GALR1: variants seen among roughly 807,000 people sequenced by gnomAD.
GALR1 encodes galanin receptor 1, also known as galanin receptor type 1.
In GALR1, 11 loss-of-function variants were observed where a neutral mutation model predicts 17.9. That is an observed-to-expected ratio of 0.62 (90% CI 0.39 to 1.02). The LOEUF (loss-of-function observed/expected upper bound fraction) is 1.02, where lower values mean the gene tolerates loss of function less well. GALR1 is among the 50% of genes least tolerant of loss of function. The probability of loss-of-function intolerance (pLI) is 0.01; values close to 1 mark genes in which losing one functional copy is unlikely to be tolerated. For missense variants in GALR1, 441 were observed against 456.9 expected (o/e 0.97, Z 0.32); for synonymous variants, 206 against 205.7 (o/e 1.00, Z -0.01).
chr18:77,267,760 C>T (rs1912974382), intron 2 of GALR1, among the ~76,000 whole-genome samples: 1 of 152,230 alleles, frequency 6.6e-6, no homozygotes, highest in South Asian at 2.1e-4. Flanking sequence ...TGTCTTTCAA[C>T]ATGTGTGGAA....
At chr18:77,264,782 G>T (rs1167099357) in intron 2 of GALR1, among the ~76,000 whole-genome samples, 1 of 152,156 alleles carries the variant, frequency 6.6e-6, no homozygotes. Context: ...TGAGAGTAAA[G>T]GGTGGGAAAA....
intron 2 of GALR1, among the ~76,000 whole-genome samples, chr18:77,258,612 ATGGTGGTGGTGGTGATGGTGGTGATGG>A (rs1912662160): frequency 1.2e-5 from 1 of 86,560 alleles, no homozygotes; most frequent in Admixed American, 1.1e-4. Flanking sequence ...CATGGTGGTG[ATGGTGGTGGTGGTGATGGTGGTGATGG>A]TGGTGGTGGT....
intron 2 of GALR1, among the ~76,000 whole-genome samples, chr18:77,259,198 G>C (rs1403212410): frequency 2.9e-5 from 1 of 34,712 alleles, no homozygotes; most frequent in African/African-American, 1.3e-4. Context: ...TGGTGGTGAT[G>C]ATGGTGGTCA....
chr18:77,251,342 G>A (rs1474452518), intron 1 of GALR1, 128 bp downstream of exon 1: 2 of 1,375,318 alleles, frequency 1.5e-6, no homozygotes, highest in South Asian at 1.5e-5. Context: ...TCCCCACTCT[G>A]GCGGCGCTGG....
intron 2 of GALR1, among the ~76,000 whole-genome samples, chr18:77,258,740 A>G (rs1303210572): frequency 1.4e-4 from 11 of 78,000 alleles, no homozygotes; most frequent in African/African-American, 4.6e-4. Flanking sequence ...GATGGTGATG[A>G]TGGTTATGGT....
intron 2 of GALR1, among the ~76,000 whole-genome samples, chr18:77,260,970 T>A (rs1912817530): frequency 1.3e-5 from 2 of 149,874 alleles, no homozygotes; most frequent in South Asian, 4.3e-4. Context: ...TTCAGTAAGG[T>A]TTTTGGATGT....
At position 77,276,282 on chromosome 18, in the gene GALR1, G is replaced by A. The variant is rs1913156649; in HGVS notation, c.*7380G>A. ...GTAGAAAGGATAAAATGAACATTAG[G>A]ATACTGAGGGTTTGGTCTGAATTCT... is the stretch of plus-strand genomic sequence containing the variant. On this transcript the variant is annotated 3_prime_UTR_variant, in exon 3 of 3. Transcript: ENST00000299727. 6.6e-6 allele frequency: 1 copy of A among 152,178 alleles called. No homozygotes were observed. Among genetic ancestry groups the A allele is most frequent in the Admixed American group, 6.5e-5 (1 of 15,282 alleles). 9.4% of individuals were successfully genotyped at this position (152,178 alleles called of 1,614,324 possible). A position where few individuals can be genotyped will look rare whatever the true frequency, so the allele number is the denominator to read the frequency against.
rs1912398995 is a variant in GALR1, at chr18:77,251,093, G to A, written c.545G>A (p.Ser182Asn). The A allele has an allele frequency of 2.5e-6, 4 of 1,611,754 alleles. No individual in the cohort carries two copies. Among genetic ancestry groups the A allele is most frequent in the Middle Eastern group, 1.6e-4 (1 of 6,062 alleles). Residue 182 changes from serine to asparagine, a missense_variant, in exon 1 of 3, where the codon AGC (serine) becomes AAC (asparagine). Physicochemically the swap from Ser to Asn is conservative, Grantham distance 46. Coordinates refer to ENST00000299727, the MANE Select transcript of GALR1 (RefSeq NM_001480.4). ...CAGGGCCTCTTCCACCCGCGCGCCA[G>A]CAACCAGACCTTCTGCTGGGAGCAG... ...YHQGLFHPRASNQTFCWEQWP... is the reference protein window; with the variant it reads ...YHQGLFHPRANNQTFCWEQWP...
chr18:77,253,949 C>T (rs374159821), intron 1 of GALR1: 2 of 152,250 alleles, frequency 1.3e-5, no homozygotes, highest in Non-Finnish European at 2.9e-5. Context: ...CCCAGTGCCC[C>T]CTGAAGAGCC....
At chr18:77,263,253 G>A (rs892561154) in intron 2 of GALR1, among the ~76,000 whole-genome samples, 8 of 152,152 alleles carry the variant, frequency 5.3e-5, no homozygotes, top group African/African-American at 1.9e-4. Context: ...ATGGATAAAT[G>A]GATTGATAGA....
chr18:77,264,564 G>A (rs947775297), intron 2 of GALR1, among the ~76,000 whole-genome samples: 1 of 152,118 alleles, frequency 6.6e-6, no homozygotes, highest in Non-Finnish European at 1.5e-5. Context: ...CCTGCTCCAT[G>A]AAACCCAGTG....
intron 1 of GALR1, among the ~76,000 whole-genome samples, chr18:77,252,814 C>T (rs936024717): frequency 1.4e-5 from 2 of 147,738 alleles, no homozygotes; most frequent in African/African-American, 5.0e-5. Flanking sequence ...TGCCACTGAA[C>T]TCTAGCCTGG....
In GALR1 at chr18:77,256,192, T is replaced by G. The variant is rs148677424; in HGVS notation, c.701T>G (p.Met234Arg). The change falls in exon 2 of 3, where the codon ATG (methionine) becomes AGG (arginine). Residue 234 changes from methionine (M) to arginine (R), a missense_variant. Physicochemically the swap from Met to Arg is moderately conservative, Grantham distance 91. Coordinates refer to ENST00000299727, the MANE Select transcript of GALR1 (RefSeq NM_001480.4). Reference sequence around the variant, plus strand: ...CACTTGCATAAAAAGTTGAAGAACATGTCAAAGAAGTCTGAAGCATCCAAG... The same window carrying G: ...CACTTGCATAAAAAGTTGAAGAACAGGTCAAAGAAGTCTGAAGCATCCAAG... Reference protein sequence around the residue: ...LNHLHKKLKNMSKKSEASKKK... With the variant: ...LNHLHKKLKNRSKKSEASKKK... 1.4e-5 allele frequency: 23 copies of G among 1,602,450 alleles called. No individual in the cohort carries two copies. The African/African-American group carries it at 1.6e-4, about 11-fold the overall frequency.
chr18:77,264,867 T>A (rs1003736746), intron 2 of GALR1, among the ~76,000 whole-genome samples: 6 of 152,286 alleles, frequency 3.9e-5, no homozygotes, highest in Admixed American at 1.3e-4. Flanking sequence ...ACTGCCCTCA[T>A]GATTCAGTTA....
chr18:77,264,002 C>A (rs1017197104), intron 2 of GALR1, among the ~76,000 whole-genome samples: 2 of 151,872 alleles, frequency 1.3e-5, no homozygotes, highest in South Asian at 4.2e-4. Flanking sequence ...AGCGTGGTGG[C>A]ACACACCTGT....
Position 77,273,637 on chromosome 18 carries a change from A to G in GALR1, c.*4735A>G, listed in dbSNP as rs1458345085. ...GCAACAAGAGTGAAACTCTGTCTCA[A>G]AAAAATAAAAATTAAAAAAAAAAAA... On this transcript the variant is annotated 3_prime_UTR_variant, in exon 3 of 3. Transcript: ENST00000299727. The G allele has an allele frequency of 6.6e-6, 1 of 151,576 alleles. No homozygotes were observed. Among genetic ancestry groups the G allele is most frequent in the Non-Finnish European group, 1.5e-5 (1 of 67,840 alleles). 9.4% of individuals were successfully genotyped at this position (151,576 alleles called of 1,614,324 possible). A position where few individuals can be genotyped will look rare whatever the true frequency, so the allele number is the denominator to read the frequency against.
chr18:77,258,985 TG>T (rs1168868859), intron 2 of GALR1, among the ~76,000 whole-genome samples: 19 of 110,304 alleles, frequency 1.7e-4, no homozygotes, highest in African/African-American at 5.0e-4. Flanking sequence ...GTGATGGTGG[TG>T]GATGGTGGTG....
intron 2 of GALR1, among the ~76,000 whole-genome samples, chr18:77,264,413 C>T (rs1168551967): frequency 1.3e-5 from 2 of 152,156 alleles, no homozygotes; most frequent in Admixed American, 1.3e-4. Flanking sequence ...TTTTCTCTTT[C>T]TCTTCGTTCC....
Position 77,260,446 on chromosome 18 carries a change from G to A in GALR1, c.732+4223G>A, listed in dbSNP as rs79863669. ...TCTAGGCCCCCATTCATAAGGGCAC[G>A]GATCCCATTATGAGGGCTCCCCCCA... On this transcript the variant is annotated intron_variant, in intron 2 of 2. Coordinates refer to ENST00000299727, the MANE Select transcript of GALR1 (RefSeq NM_001480.4). Among the ~76,000 whole-genome samples, 1,282 of 152,250 alleles carry A rather than the reference G, an allele frequency of 8.4e-3. 19 individuals are homozygous for A. The highest frequency in any genetic ancestry group is 0.029 in the African/African-American group (1,207 of 41,550).
Sources: gnomAD v4.1 joint callset for allele counts (sites outside exome capture counted in the v4.1 genomes callset) on GRCh38, gnomAD v4.1.1 for gene constraint, MANE v1.5 for transcripts, NCBI Gene and HGNC (gene_info 2026-07-23, HGNC 2026-07-21) for gene names.